GPHN: variants seen among roughly 807,000 people sequenced by gnomAD.
The protein encoded by GPHN is gephyrin.
Under a neutral mutation model 95.5 loss-of-function variants are expected in GPHN, and 17 were observed. That is an observed-to-expected ratio of 0.18 (90% CI 0.12 to 0.27). GPHN has a LOEUF of 0.27. Among genes scored for constraint, GPHN ranks in the 10% least tolerant of loss-of-function variants. The pLI, the probability that GPHN is intolerant of heterozygous loss-of-function variation, is 1.00. For missense variants in GPHN, 660 were observed against 978.1 expected (o/e 0.67, Z 4.34); for synonymous variants, 320 against 322.5 (o/e 0.99, Z 0.08).
chr14:67,041,821 T>C (rs1243993712), intron 10 of GPHN, among the ~76,000 whole-genome samples: 1 of 152,224 alleles, frequency 6.6e-6, no homozygotes, highest in Non-Finnish European at 1.5e-5. Context: ...TGAACTAATT[T>C]ACACTCCCAC....
intron 13 of GPHN, among the ~76,000 whole-genome samples, chr14:67,109,584 C>T (rs1443220722): frequency 6.6e-6 from 1 of 152,158 alleles, no homozygotes; most frequent in Non-Finnish European, 1.5e-5. Context: ...ATTATATTTG[C>T]TCAACCTCTA....
chr14:66,844,252 A>C (rs1363756776), intron 4 of GPHN, among the ~76,000 whole-genome samples: 1 of 152,042 alleles, frequency 6.6e-6, no homozygotes, highest in African/African-American at 2.4e-5. Flanking sequence ...TGTTGGGTAA[A>C]CCTTTGAAAT....
At chr14:66,916,192 T>C (rs1406083606) in intron 6 of GPHN, 123 bp downstream of exon 6, 3 of 713,864 alleles carry the variant, frequency 4.2e-6, no homozygotes, top group Non-Finnish European at 7.8e-6. Flanking sequence ...AATTGCAGGA[T>C]TCCCAAAGTC....
the GPHN span, chr14:67,360,108 T>C: frequency 2.4e-6 from 1 of 422,474 alleles, no homozygotes; most frequent in Non-Finnish European, 4.2e-6. Flanking sequence ...AGCTGAAACT[T>C]TGAAAGAGGA....
the GPHN span, among the ~76,000 whole-genome samples, chr14:67,711,246 A>T: frequency 1.3e-5 from 2 of 152,214 alleles, no homozygotes; most frequent in African/African-American, 4.8e-5. Context: ...ACAAGCAGAG[A>T]TCATTCTGTT....
the GPHN span, among the ~76,000 whole-genome samples, chr14:67,358,853 A>C: frequency 4.6e-5 from 7 of 152,214 alleles, no homozygotes; most frequent in African/African-American, 1.7e-4. Flanking sequence ...TTCAGGCCCC[A>C]AAAGAAAGGC....
At chr14:67,198,156 A>G in the GPHN span, 1 of 1,608,770 alleles carries the variant, frequency 6.2e-7, no homozygotes, top group Non-Finnish European at 8.5e-7. Context: ...TTTATGTGCA[A>G]GCGCAATGAA....
intron 13 of GPHN, among the ~76,000 whole-genome samples, chr14:67,105,327 A>G (rs2077976277): frequency 6.6e-6 from 1 of 152,122 alleles, no homozygotes; most frequent in Admixed American, 6.5e-5. Context: ...GATGAAATGT[A>G]CTTTAAATAT....
chr14:67,106,447 G>A (rs947604452), intron 13 of GPHN, among the ~76,000 whole-genome samples: 22 of 151,844 alleles, frequency 1.4e-4, no homozygotes, highest in African/African-American at 5.3e-4. Flanking sequence ...ATTTGTTCTT[G>A]TATGGTGTCC....
chr14:66,956,141 CTTTAT>C lies in GPHN; in HGVS notation c.829-9044_829-9040del, dbSNP rs1035583364. On this transcript the variant is annotated intron_variant, in intron 8 of 22. Coordinates refer to ENST00000478722, the MANE Select transcript of GPHN (RefSeq NM_020806.5). The stretch of plus-strand genomic sequence containing the variant: ...TTGTTTGCTTTGGGTTTAGTTTATA[CTTTAT>C]TTTATAGTTTCTTAGGGTGGAAGAT... 6.6e-5 allele frequency among the ~76,000 whole-genome samples: 10 copies of C among 152,086 alleles called. No homozygotes were observed. In the South Asian group the frequency reaches 1.9e-3, roughly 28 times the overall value.
chr14:66,948,170 A>G (rs191576726), intron 8 of GPHN, among the ~76,000 whole-genome samples: 14 of 152,230 alleles, frequency 9.2e-5, no homozygotes, highest in Non-Finnish European at 1.9e-4. Flanking sequence ...TGTTTTCCTA[A>G]AAGGCAATTA....
the GPHN span, among the ~76,000 whole-genome samples, chr14:67,500,616 G>T: frequency 2.7e-5 from 4 of 145,890 alleles, no homozygotes; most frequent in African/African-American, 5.1e-5. Flanking sequence ...CTGTCCCCCA[G>T]GCTGGAGTGC....
intron 3 of GPHN, among the ~76,000 whole-genome samples, chr14:66,779,920 A>G (rs1360774315): frequency 6.6e-6 from 1 of 152,168 alleles, no homozygotes; most frequent in African/African-American, 2.4e-5. Context: ...AAGAGGTTCT[A>G]CCTAGATGGA....
chr14:67,615,600 A>T, the GPHN span: 1 of 545,020 alleles, frequency 1.8e-6, no homozygotes, highest in Non-Finnish European at 3.6e-6. Flanking sequence ...TCAACTTCTC[A>T]GAGTTTTCTA....
chr14:66,508,537 G>A lies in GPHN; in HGVS notation c.10G>A (p.Glu4Lys), dbSNP rs2057884115. The A allele has an allele frequency of 2.5e-6, 4 of 1,614,066 alleles. No homozygotes were observed. Among genetic ancestry groups the A allele is most frequent in the East Asian group, 2.2e-5 (1 of 44,870 alleles). Residue 4 changes from glutamate (E) to lysine (K), a missense_variant, in exon 1 of 23, where the codon GAG becomes AAG. Around this residue, in one of 6 missense-constraint regions of GPHN, gnomAD observed 92 missense variants for 91.9 expected, o/e 1.00. Transcript: ENST00000478722. ...GACTGCGCTGGGAAACATGGCGACCGAGGGAATGATCCTTACTAACCACGA... is the reference window on the plus strand; with the variant it reads ...GACTGCGCTGGGAAACATGGCGACCAAGGGAATGATCCTTACTAACCACGA... MATEGMILTNHDHQ... is the reference protein window; with the variant it reads MATKGMILTNHDHQ...
intron 1 of GPHN, among the ~76,000 whole-genome samples, chr14:66,644,669 G>A (rs1000406745): frequency 1.3e-5 from 2 of 151,998 alleles, no homozygotes; most frequent in African/African-American, 4.8e-5. Context: ...CAGACCACAG[G>A]TTAACTAACT....
chr14:67,634,121 A>G, the GPHN span, among the ~76,000 whole-genome samples: 2 of 152,200 alleles, frequency 1.3e-5, no homozygotes, highest in East Asian at 3.9e-4. Flanking sequence ...GAAGCAAAGC[A>G]TCTTAGCTTT....
chr14:67,722,990 CAACA>C, the GPHN span, among the ~76,000 whole-genome samples: 1 of 152,162 alleles, frequency 6.6e-6, no homozygotes, highest in African/African-American at 2.4e-5. Flanking sequence ...TCAAGTAGCT[CAACA>C]AACACCTTAG....
chr14:66,548,395 G>A (rs1188317659), intron 1 of GPHN, among the ~76,000 whole-genome samples: 2 of 151,944 alleles, frequency 1.3e-5, no homozygotes, highest in South Asian at 2.1e-4. Context: ...TGGCCAGGCT[G>A]GTTTCGAACT....
Sources: allele counts gnomAD v4.1 joint callset (sites outside exome capture counted in the v4.1 genomes callset), GRCh38; gene constraint gnomAD v4.1.1; regional missense constraint gnomAD v4.1.1; transcripts MANE v1.5; gene names NCBI Gene and HGNC (gene_info 2026-07-23, HGNC 2026-07-21).